The following SYNE1 variants were observed in gnomAD, a reference collection of about 807,000 sequenced individuals.
SYNE1 encodes the protein spectrin repeat containing nuclear envelope protein 1.
A neutral mutation model predicts 1,111.0 loss-of-function variants in SYNE1; 616 were observed. The observed-to-expected ratio is 0.55, with a 90% CI of 0.52 to 0.59. SYNE1 has a LOEUF of 0.59. Ranked by LOEUF, SYNE1 falls within the 20% of genes least tolerant of loss-of-function variation. The probability of loss-of-function intolerance (pLI) is 0.00; values close to 1 mark genes in which losing one functional copy is unlikely to be tolerated. For synonymous variants in SYNE1, 3,855 were observed against 3,825.8 expected (o/e 1.01, Z -0.28); for missense variants, 10,006 against 10,417.0 (o/e 0.96, Z 1.72).
intron 18 of SYNE1, among the ~76,000 whole-genome samples, 156 bp downstream of exon 18, chr6:152,465,102 G>A (rs111232692): frequency 4.6e-5 from 7 of 152,164 alleles, no homozygotes; most frequent in African/African-American, 1.7e-4. Context: ...GTATTTATTG[G>A]TCTGTTGCTA....
chr6:152,539,708 T>C (rs2099260282), intron 4 of SYNE1, among the ~76,000 whole-genome samples: 1 of 152,182 alleles, frequency 6.6e-6, no homozygotes, highest in African/African-American at 2.4e-5. Context: ...AATAATTGGA[T>C]GAAATAGTTT....
chr6:152,183,142 C>T (rs1043603362), intron 128 of SYNE1, among the ~76,000 whole-genome samples: 9 of 152,288 alleles, frequency 5.9e-5, no homozygotes, highest in South Asian at 2.1e-4. Context: ...CTGAGAGCCG[C>T]GTGCACTCTG....
At chr6:152,485,062 A>C in intron 12 of SYNE1, 90 bp from the exon 13 acceptor site, 1 of 1,382,358 alleles carries the variant, frequency 7.2e-7, no homozygotes, top group East Asian at 2.4e-5. Context: ...AATCTTTTCT[A>C]TTTGGATAAC....
At chr6:152,130,281 A>G (rs2055150361) in intron 145 of SYNE1, among the ~76,000 whole-genome samples, 1 of 152,232 alleles carries the variant, frequency 6.6e-6, no homozygotes, top group Non-Finnish European at 1.5e-5. Context: ...ATGAAAATAA[A>G]ATAAAAAGTT....
intron 74 of SYNE1, among the ~76,000 whole-genome samples, chr6:152,340,859 G>T (rs1303563617): frequency 6.6e-6 from 1 of 152,218 alleles, no homozygotes; most frequent in Admixed American, 6.5e-5. Flanking sequence ...TTAGGCTACT[G>T]CAGGGATCAG....
At chr6:152,530,542 C>G (rs1233427530) in intron 4 of SYNE1, among the ~76,000 whole-genome samples, 1 of 147,306 alleles carries the variant, frequency 6.8e-6, no homozygotes, top group Non-Finnish European at 1.5e-5. Context: ...CAACTGTAGT[C>G]TGAAAATGTT....
intron 119 of SYNE1, among the ~76,000 whole-genome samples, chr6:152,219,854 T>C (rs935576815): frequency 6.6e-6 from 1 of 152,230 alleles, no homozygotes; most frequent in Admixed American, 6.5e-5. Flanking sequence ...GGAAACTCCC[T>C]GTTTCTGCTT....
At chr6:152,572,929 G>T (rs545270833) in intron 3 of SYNE1, among the ~76,000 whole-genome samples, 52 of 152,186 alleles carry the variant, frequency 3.4e-4, no homozygotes, top group African/African-American at 1.2e-3. Flanking sequence ...AGTTGCCTTT[G>T]GTCTAATAAA....
chr6:152,533,974 C>A (rs1382131779), intron 4 of SYNE1, among the ~76,000 whole-genome samples: 1 of 152,024 alleles, frequency 6.6e-6, no homozygotes, highest in African/African-American at 2.4e-5. Flanking sequence ...GCCTGGCCAA[C>A]ATGGTAAAAC....
At chr6:152,178,262 T>C (rs2066978330) in intron 129 of SYNE1, among the ~76,000 whole-genome samples, 1 of 151,994 alleles carries the variant, frequency 6.6e-6, no homozygotes, top group Admixed American at 6.6e-5. Flanking sequence ...GCAATGAGAA[T>C]AGAGACAAAC....
chr6:152,447,455 T>C lies in SYNE1; in HGVS notation c.3669+3A>G. ...CTGTTTAGAGTGTGAGTAAATGCTG[T>C]ACCTCTGACAGCAGCGTCACAAGAG... On this transcript the variant is annotated splice_donor_region_variant and intron_variant, in intron 29 of 145. Transcript: ENST00000367255. 1 of 1,614,172 alleles carries C rather than the reference T, an allele frequency of 6.2e-7. No homozygotes were observed. The highest frequency in any genetic ancestry group is 1.1e-5 in the South Asian group (1 of 91,078).
rs1565141424 is a variant in SYNE1, at chr6:152,605,028, GA to G, written c.67+23236del. Reference sequence around the variant, plus strand: ...AGAAAGAGAGAGAGAGAGAGAGAGAGAGAGAGAGGGAGGGAGGGAGGGAGGG... The same window carrying G: ...AGAAAGAGAGAGAGAGAGAGAGAGAGGAGAGAGGGAGGGAGGGAGGGAGGG... On this transcript the variant is annotated intron_variant, in intron 3 of 145. Coordinates refer to ENST00000367255, the MANE Select transcript of SYNE1 (RefSeq NM_182961.4). 4.6e-3 allele frequency among the ~76,000 whole-genome samples: 315 copies of G among 67,844 alleles called. 11 individuals are homozygous for G. Among genetic ancestry groups the G allele is most frequent in the African/African-American group, 0.013 (188 of 14,264 alleles). 44.5% of individuals were successfully genotyped at this position (67,844 alleles called of 152,430 possible).
At chr6:152,600,534 T>G (rs760441322) in intron 3 of SYNE1, among the ~76,000 whole-genome samples, 4 of 152,194 alleles carry the variant, frequency 2.6e-5, no homozygotes, top group Non-Finnish European at 4.4e-5. Context: ...CTATGGTAAC[T>G]TTTTTCCCTT....
chr6:152,604,160 ATGTG>A (rs34756749), intron 3 of SYNE1, among the ~76,000 whole-genome samples: 3 of 148,868 alleles, frequency 2.0e-5, no homozygotes, highest in South Asian at 2.1e-4. Flanking sequence ...AACCCTTTAT[ATGTG>A]TGTGTGTGTG....
chr6:152,322,997 T>A (rs2095918511), intron 82 of SYNE1, among the ~76,000 whole-genome samples: 1 of 152,196 alleles, frequency 6.6e-6, no homozygotes, highest in African/African-American at 2.4e-5. Context: ...ATCGTATCTC[T>A]AAGTACTATC....
Position 152,254,968 on chromosome 6 carries a change from A to G in SYNE1, c.19382T>C (p.Leu6461Pro). ...RDVIEDTLGCLLGRLSLLDSV... is the reference protein window; with the variant it reads ...RDVIEDTLGCPLGRLSLLDSV... ...GTCTAGCAAGGATAACCTGCCCAAA[A>G]GACAACCCAAAGTATCTTCAATAAC... Residue 6461 changes from leucine (L) to proline (P), a missense_variant, in exon 104 of 146, where the codon CTT (leucine) becomes CCT (proline). Leu to Pro is a moderately conservative substitution (Grantham distance 98, BLOSUM62 -3). Coordinates refer to ENST00000367255, the MANE Select transcript of SYNE1 (RefSeq NM_182961.4). 6.2e-7 allele frequency: 1 copy of G among 1,614,058 alleles called. No homozygotes were observed. The highest frequency in any genetic ancestry group is 8.5e-7 in the Non-Finnish European group (1 of 1,179,978).
chr6:152,223,528 G>T (rs552863089), intron 117 of SYNE1, among the ~76,000 whole-genome samples: 1 of 152,216 alleles, frequency 6.6e-6, no homozygotes, highest in Non-Finnish European at 1.5e-5. Context: ...CTGAGGCAGA[G>T]AATTGCTTAA....
intron 78 of SYNE1, among the ~76,000 whole-genome samples, chr6:152,328,823 A>C (rs959129349): frequency 6.6e-6 from 1 of 152,158 alleles, no homozygotes; most frequent in African/African-American, 2.4e-5. Flanking sequence ...CCCCAAGTCA[A>C]GTAATTACGA....
chr6:152,593,251 C>G (rs1448157408), intron 3 of SYNE1, among the ~76,000 whole-genome samples: 2 of 151,792 alleles, frequency 1.3e-5, no homozygotes, highest in Admixed American at 6.6e-5. Context: ...AGGACTTGTA[C>G]CATAAAGAAA....
Sources: allele counts gnomAD v4.1 joint callset (sites outside exome capture counted in the v4.1 genomes callset), GRCh38; gene constraint gnomAD v4.1.1; transcripts MANE v1.5; gene names NCBI Gene and HGNC (gene_info 2026-07-23, HGNC 2026-07-21).